MAP4K4: variants seen among roughly 807,000 people sequenced by gnomAD.
The protein encoded by MAP4K4 is mitogen-activated protein kinase kinase kinase kinase 4.
In MAP4K4, 38 loss-of-function variants were observed where a neutral mutation model predicts 189.6. The observed-to-expected ratio is 0.20, with a 90% CI of 0.15 to 0.26. The LOEUF is 0.26. MAP4K4 is among the 10% of genes least tolerant of loss of function. The pLI is 1.00. For synonymous variants in MAP4K4, 610 were observed against 624.3 expected, an observed-to-expected ratio of 0.98 and a Z score of 0.34; for missense variants, 1,054 against 1,726.9, an observed-to-expected ratio of 0.61 and a Z score of 6.91.
chr2:101,760,935 G>T (rs924220426), intron 2 of MAP4K4, among the ~76,000 whole-genome samples: 16 of 152,134 alleles, frequency 1.1e-4, no homozygotes, highest in Admixed American at 3.3e-4. Context: ...TCTGGGAGGC[G>T]GAGGTTGCCG....
intron 2 of MAP4K4, among the ~76,000 whole-genome samples, chr2:101,706,476 C>CTT (rs2042360296): frequency 6.6e-6 from 1 of 152,176 alleles, no homozygotes; most frequent in African/African-American, 2.4e-5. Flanking sequence ...CCCCACATCG[C>CTT]TTTTAGTTTT....
At chr2:101,775,383 C>G (rs4241209) in intron 2 of MAP4K4, among the ~76,000 whole-genome samples, 6,091 of 151,728 alleles carry the variant, frequency 0.04, 317 homozygotes, top group African/African-American at 0.12. Context: ...ATGGCCTATT[C>G]AAGTGGGGTA....
intron 2 of MAP4K4, among the ~76,000 whole-genome samples, chr2:101,781,899 C>G (rs1401956402): frequency 6.6e-6 from 1 of 152,174 alleles, no homozygotes; most frequent in Non-Finnish European, 1.5e-5. Flanking sequence ...CTGGTCCCCC[C>G]ACCTGCCATC....
At chr2:101,768,657 G>A (rs2079833371) in intron 2 of MAP4K4, among the ~76,000 whole-genome samples, 1 of 152,166 alleles carries the variant, frequency 6.6e-6, no homozygotes, top group African/African-American at 2.4e-5. Flanking sequence ...TGAGCAGTAT[G>A]TTAGTGAGGT....
intron 9 of MAP4K4, among the ~76,000 whole-genome samples, chr2:101,838,660 A>C (rs2096833654): frequency 6.6e-6 from 1 of 152,190 alleles, no homozygotes; most frequent in African/African-American, 2.4e-5. Flanking sequence ...GTATACCTAA[A>C]TTTCTCCACT....
At position 101,874,020 on chromosome 2, in the gene MAP4K4, GA is replaced by G; in HGVS notation, c.3071-60del. 2.3e-5 allele frequency: 32 copies of G among 1,395,996 alleles called. No homozygotes were observed. The South Asian group carries it at 3.9e-4, about 17-fold the overall frequency. 86.5% of individuals were successfully genotyped at this position (1,395,996 alleles called of 1,614,324 possible). A position where few individuals can be genotyped will look rare whatever the true frequency, so the allele number is the denominator to read the frequency against. On this transcript the variant is annotated intron_variant, in intron 25 of 32. Transcript: ENST00000324219. ...GAATATTTACTTGAAGTATACTGGG[GA>G]AGGGAGGCAGGCATAGTGTGTGTGT... is the stretch of plus-strand genomic sequence containing the variant.
Position 101,864,970 on chromosome 2 carries a change from G to C in MAP4K4, c.2138G>C (p.Arg713Pro), listed in dbSNP as rs752991685. 2.4e-5 allele frequency: 38 copies of C among 1,579,448 alleles called. No homozygotes were observed. In the South Asian group the frequency reaches 4.3e-4, roughly 18 times the overall value. ...ACATCTCGCTCCCCTGTTCTGTCCC[G>C]TCGAGATTCCCCACTGCAGGGCAGT... The change falls in exon 18 of 33, where the codon CGT (arginine) becomes CCT (proline). Residue 713 changes from arginine (R) to proline (P), a missense_variant. Physicochemically the swap from Arg to Pro is moderately radical, Grantham distance 103. Transcript: ENST00000324219.
At chr2:101,831,663 A>G in intron 6 of MAP4K4, 58 bp from the exon 7 acceptor site, 2 of 1,539,760 alleles carry the variant, frequency 1.3e-6, no homozygotes, top group Non-Finnish European at 1.8e-6. Context: ...TTTCCCAAGT[A>G]TATCTGGTTT....
intron 3 of MAP4K4, among the ~76,000 whole-genome samples, chr2:101,823,288 A>G (rs1200334266): frequency 4.6e-5 from 7 of 152,176 alleles, no homozygotes; most frequent in Admixed American, 1.3e-4. Flanking sequence ...AGATGCTAGG[A>G]GAGGAGCCAA....
intron 26 of MAP4K4, 88 bp from the exon 27 acceptor site, chr2:101,876,915 C>G: frequency 7.4e-7 from 1 of 1,353,740 alleles, no homozygotes; most frequent in Non-Finnish European, 1.0e-6. Context: ...ACACTTTTTT[C>G]CAAATAGATG....
At chr2:101,701,983 A>G (rs2149153845) in intron 2 of MAP4K4, among the ~76,000 whole-genome samples, 2 of 152,236 alleles carry the variant, frequency 1.3e-5, no homozygotes, top group Middle Eastern at 6.8e-3. Context: ...CTCCTGCCTC[A>G]GCCTCCTGAG....
intron 2 of MAP4K4, among the ~76,000 whole-genome samples, chr2:101,780,532 C>G (rs2086790347): frequency 6.6e-6 from 1 of 152,204 alleles, no homozygotes; most frequent in Non-Finnish European, 1.5e-5. Context: ...TTATAATAAA[C>G]AAGCTTTTTA....
In MAP4K4 at chr2:101,704,030, T is replaced by C. The variant is rs578130556; in HGVS notation, c.123+5492T>C. On this transcript the variant is annotated intron_variant, in intron 2 of 32. Coordinates refer to ENST00000324219, the Ensembl canonical transcript of MAP4K4. ...ACTCCTCCAAAAAGAAAAAATAAAA[T>C]AAAAAAATTTGCATTTTGGAGCAAG... Among the ~76,000 whole-genome samples the C allele has an allele frequency of 4.0e-4, 61 of 152,128 alleles. 1 individual carries two copies. The highest frequency in any genetic ancestry group is 1.4e-3 in the African/African-American group (60 of 41,500).
In MAP4K4 at chr2:101,705,432, C is replaced by G. The variant is rs544014176; in HGVS notation, c.123+6894C>G. Among the ~76,000 whole-genome samples the G allele has an allele frequency of 1.4e-3, 207 of 152,266 alleles. 1 individual carries two copies. The highest frequency in any genetic ancestry group is 4.4e-3 in the African/African-American group (183 of 41,556). On this transcript the variant is annotated intron_variant, in intron 2 of 32. Coordinates refer to ENST00000324219, the Ensembl canonical transcript of MAP4K4. ...TTCAGACACAATGAATGCACTGACA[C>G]ATGGAAACAGCACATACTGCAATGT...
intron 23 of MAP4K4, 117 bp downstream of exon 23, chr2:101,870,532 C>T: frequency 1.4e-6 from 2 of 1,405,148 alleles, no homozygotes; most frequent in Non-Finnish European, 1.9e-6. Context: ...GTTAACAAGT[C>T]CCAGAGGGTC....
intron 2 of MAP4K4, among the ~76,000 whole-genome samples, chr2:101,775,246 G>A (rs1254296542): frequency 6.6e-6 from 1 of 151,668 alleles, no homozygotes; most frequent in Non-Finnish European, 1.5e-5. Context: ...ACAACATGGG[G>A]TGTTTGGCCC....
chr2:101,891,060 A>C, intron 32 of MAP4K4, 106 bp from the exon 33 acceptor site: 1 of 868,720 alleles, frequency 1.2e-6, no homozygotes, highest in South Asian at 1.4e-5. Context: ...TGGGAGTCTA[A>C]GCTTCTCGTA....
At chr2:101,802,760 A>C (rs191592042) in intron 3 of MAP4K4, among the ~76,000 whole-genome samples, 145 of 150,916 alleles carry the variant, frequency 9.6e-4, no homozygotes, top group African/African-American at 3.5e-3. Flanking sequence ...CAAGAATATA[A>C]CCTCCATACA....
intron 2 of MAP4K4, among the ~76,000 whole-genome samples, chr2:101,758,332 A>G (rs1202814173): frequency 6.6e-6 from 1 of 152,214 alleles, no homozygotes; most frequent in Non-Finnish European, 1.5e-5. Context: ...TTAAGGACAC[A>G]TCGTGAGCGT....
Sources: allele counts gnomAD v4.1 joint callset (sites outside exome capture counted in the v4.1 genomes callset), GRCh38; gene constraint gnomAD v4.1.1; transcripts MANE v1.5; gene names NCBI Gene and HGNC (gene_info 2026-07-23, HGNC 2026-07-21).